Variants in B3GALT5 observed in about 807,000 individuals in gnomAD.
The protein encoded by B3GALT5 is UDP-Gal:betaGlcNAc beta 1,3-galactosyltransferase, polypeptide 5.
For synonymous variants in B3GALT5, 156 were observed against 158.6 expected (o/e 0.98, Z 0.12); for missense variants, 328 against 396.6 (o/e 0.83, Z 1.47).
intron 1 of B3GALT5, among the ~76,000 whole-genome samples, chr21:39,643,517 G>T (rs1372108166): frequency 1.3e-5 from 2 of 152,140 alleles, no homozygotes; most frequent in Non-Finnish European, 2.9e-5. Flanking sequence ...CTCTGCTTTC[G>T]CAGCTGTTTT....
chr21:39,621,513 C>T (rs1479104999), intron 1 of B3GALT5, among the ~76,000 whole-genome samples: 1 of 151,392 alleles, frequency 6.6e-6, no homozygotes, highest in Non-Finnish European at 1.5e-5. Context: ...TTTGGTAAAG[C>T]TCACCTCTAA....
At chr21:39,647,326 C>T (rs190344443) in intron 2 of B3GALT5, among the ~76,000 whole-genome samples, 7 of 152,218 alleles carry the variant, frequency 4.6e-5, no homozygotes, top group Admixed American at 1.3e-4. Flanking sequence ...TAAATCTGAG[C>T]GCTGGAAATT....
Position 39,661,679 on chromosome 21 carries a change from T to A in B3GALT5, c.*187T>A, listed in dbSNP as rs2146222614. ...TGCCCCAGGCAATAATAGGCCCGTC[T>A]CTTGGGCACGCACACTCTTCATACT... On this transcript the variant is annotated 3_prime_UTR_variant, in exon 4 of 4. Transcript: ENST00000684187. The surrounding 1 kb of genome is among the most constrained non-coding windows in gnomAD (Gnocchi z 4.7). The A allele has an allele frequency of 1.8e-6, 1 of 546,798 alleles. No homozygotes were observed. The highest frequency in any genetic ancestry group is 3.7e-5 in the Admixed American group (1 of 26,792). The allele number at this position is 546,798 out of a possible 1,614,324, so 33.9% of individuals were successfully genotyped here. A position where few individuals can be genotyped will look rare whatever the true frequency, so the allele number is the denominator to read the frequency against.
chr21:39,628,601 T>G (rs1346456157), intron 1 of B3GALT5, among the ~76,000 whole-genome samples: 1 of 152,234 alleles, frequency 6.6e-6, no homozygotes, highest in African/African-American at 2.4e-5. Context: ...CACTGGCTCA[T>G]ACACAACCAT....
At chr21:39,639,073 A>AT in intron 1 of B3GALT5, among the ~76,000 whole-genome samples, 1 of 152,324 alleles carries the variant, frequency 6.6e-6, no homozygotes, top group South Asian at 2.1e-4. Flanking sequence ...CCTCGCTCCC[A>AT]TATTACCACG....
intron 1 of B3GALT5, among the ~76,000 whole-genome samples, chr21:39,637,257 A>T (rs569821011): frequency 6.6e-6 from 1 of 152,260 alleles, no homozygotes; most frequent in South Asian, 2.1e-4. Flanking sequence ...GCTCCATGAG[A>T]GGAGAAAAGC....
rs2079506902 is a variant in B3GALT5, at chr21:39,660,747, T to C, written c.188T>C (p.Val63Ala). ...RQTPPFLVLL[V>A]TSSHKQLAER... ...ACACCTCCCTTCCTCGTCCTGCTGGTGACCTCATCCCACAAACAGTTGGCT... is the reference window on the plus strand; with the variant it reads ...ACACCTCCCTTCCTCGTCCTGCTGGCGACCTCATCCCACAAACAGTTGGCT... Residue 63 changes from valine (V) to alanine (A), a missense_variant, in exon 4 of 4, where the codon GTG becomes GCG. Transcript: ENST00000684187. 1 of 1,547,756 alleles carries C rather than the reference T, an allele frequency of 6.5e-7. No homozygotes were observed. The highest frequency in any genetic ancestry group is 8.7e-7 in the Non-Finnish European group (1 of 1,147,416).
At chr21:39,634,729 C>G (rs1306544913) in intron 1 of B3GALT5, among the ~76,000 whole-genome samples, 3 of 151,998 alleles carry the variant, frequency 2.0e-5, no homozygotes, top group African/African-American at 7.3e-5. Flanking sequence ...CAAAGTGTTG[C>G]CTGGAGTCTG....
At chr21:39,628,445 A>G (rs1364768916) in intron 1 of B3GALT5, among the ~76,000 whole-genome samples, 1 of 152,142 alleles carries the variant, frequency 6.6e-6, no homozygotes, top group East Asian at 1.9e-4. Flanking sequence ...TCCACTCTCT[A>G]CATCCGTGTG....
At chr21:39,617,239 T>C (rs1467407204) in intron 1 of B3GALT5, among the ~76,000 whole-genome samples, 1 of 152,372 alleles carries the variant, frequency 6.6e-6, no homozygotes, top group East Asian at 1.9e-4. Context: ...TTTCGTATGG[T>C]CCTACTGAAG....
At chr21:39,656,291 A>G (rs2079443615) in intron 2 of B3GALT5, among the ~76,000 whole-genome samples, 1 of 152,130 alleles carries the variant, frequency 6.6e-6, no homozygotes, top group South Asian at 2.1e-4. Context: ...AGAATCTCCA[A>G]GGATACAAGA....
chr21:39,669,512 C>T lies in B3GALT5; in HGVS notation c.*8020C>T, dbSNP rs2079608708. 1 of 152,172 alleles carries T rather than the reference C, an allele frequency of 6.6e-6. No individual in the cohort carries two copies. Among genetic ancestry groups the T allele is most frequent in the African/African-American group, 2.4e-5 (1 of 41,420 alleles). 9.4% of individuals were successfully genotyped at this position (152,172 alleles called of 1,614,324 possible). ...GTGGGTTTTGCATACAGAGCTTTCA[C>T]TGGGTAAATACACAATGCTGAGAAG... On this transcript the variant is annotated 3_prime_UTR_variant, in exon 4 of 4. Coordinates refer to ENST00000684187, the MANE Select transcript of B3GALT5 (RefSeq NM_001356336.2).
chr21:39,636,086 G>C (rs140873659), intron 1 of B3GALT5, among the ~76,000 whole-genome samples: 3 of 152,284 alleles, frequency 2.0e-5, no homozygotes, highest in African/African-American at 7.2e-5. Context: ...CAGAAGTTAA[G>C]TACTGGAATG....
At position 39,635,154 on chromosome 21, in the gene B3GALT5, C is replaced by G. The variant is rs893515988; in HGVS notation, c.-391-11238C>G. Among the ~76,000 whole-genome samples the G allele has an allele frequency of 3.3e-5, 5 of 152,160 alleles. No homozygotes were observed. The East Asian group carries it at 9.6e-4, about 29-fold the overall frequency. On this transcript the variant is annotated intron_variant, in intron 1 of 3. Transcript: ENST00000684187. ...AGTCTCTCAAGAGTGGGCATGCCTG[C>G]GGGACCCGTGTTGATATTTGGATTT...
At chr21:39,639,381 T>C (rs1448056958) in intron 1 of B3GALT5, among the ~76,000 whole-genome samples, 1 of 136,482 alleles carries the variant, frequency 7.3e-6, no homozygotes, top group Non-Finnish European at 1.6e-5. Flanking sequence ...CTTCCTTCCT[T>C]CCTTCCTTCC....
At chr21:39,650,830 T>A (rs921710598) in intron 2 of B3GALT5, among the ~76,000 whole-genome samples, 4 of 151,298 alleles carry the variant, frequency 2.6e-5, no homozygotes, top group African/African-American at 7.3e-5. Context: ...TCACCATTTT[T>A]AAAATAAGAT....
At chr21:39,644,427 T>C (rs2079317787) in intron 1 of B3GALT5, among the ~76,000 whole-genome samples, 1 of 152,148 alleles carries the variant, frequency 6.6e-6, no homozygotes, top group South Asian at 2.1e-4. Flanking sequence ...GGAACCCAAA[T>C]GGGAGGCAGG....
In B3GALT5 at chr21:39,618,285, A is replaced by G. The variant is rs553407196; in HGVS notation, c.-392+5218A>G. On this transcript the variant is annotated intron_variant, in intron 1 of 3. Coordinates refer to ENST00000684187, the MANE Select transcript of B3GALT5 (RefSeq NM_001356336.2). ...ACATTCTTATACATATCTCCTTTGCATACATGTTAGAGTGTACTTTAGAGT... is the reference window on the plus strand; with the variant it reads ...ACATTCTTATACATATCTCCTTTGCGTACATGTTAGAGTGTACTTTAGAGT... 5.3e-5 allele frequency among the ~76,000 whole-genome samples: 8 copies of G among 152,338 alleles called. No individual in the cohort carries two copies. The East Asian group carries it at 1.5e-3, about 29-fold the overall frequency.
chr21:39,639,448 CTTTCTTTTTTTCTT>C (rs1382678980), intron 1 of B3GALT5, among the ~76,000 whole-genome samples: 6 of 121,788 alleles, frequency 4.9e-5, no homozygotes, highest in Admixed American at 2.5e-4. Context: ...TTCTTTCTTT[CTTTCTTTTTTTCTT>C]TCTCTCTCTC....
Sources: allele counts gnomAD v4.1 joint callset (sites outside exome capture counted in the v4.1 genomes callset), GRCh38; gene constraint gnomAD v4.1.1; non-coding constraint Gnocchi (gnomAD v3.1); transcripts MANE v1.5; gene names NCBI Gene and HGNC (gene_info 2026-07-23, HGNC 2026-07-21).